The following FOXP1 variants were observed in gnomAD, a reference collection of about 807,000 sequenced individuals.
FOXP1 encodes the protein forkhead box protein P1.
In FOXP1, 15 loss-of-function variants were observed where a neutral mutation model predicts 98.2. The ratio of observed to expected loss-of-function variants is 0.15; its 90% confidence interval spans 0.10 to 0.24. The LOEUF (loss-of-function observed/expected upper bound fraction) is 0.24. Ranked by LOEUF, FOXP1 falls within the 10% of genes least tolerant of loss-of-function variation. The probability of loss-of-function intolerance (pLI) is 1.00; values close to 1 mark genes in which losing one functional copy is unlikely to be tolerated. For missense variants in FOXP1, 633 were observed against 848.5 expected (o/e 0.75, Z 3.15); for synonymous variants, 371 against 314.5 (o/e 1.18, Z -1.90).
intron 12 of FOXP1, among the ~76,000 whole-genome samples, chr3:71,004,466 G>C (rs563728549): frequency 6.6e-6 from 1 of 152,228 alleles, no homozygotes; most frequent in African/African-American, 2.4e-5. Flanking sequence ...GAGTTGTAGT[G>C]ATTAATAGTT....
intron 6 of FOXP1, among the ~76,000 whole-genome samples, chr3:71,197,184 C>A (rs1197338247): frequency 6.6e-6 from 1 of 152,160 alleles, no homozygotes; most frequent in East Asian, 1.9e-4. Flanking sequence ...CACAAGAGTT[C>A]CTGCAGCTTT....
intron 4 of FOXP1, among the ~76,000 whole-genome samples, chr3:71,319,005 G>T (rs2075244668): frequency 6.6e-6 from 1 of 152,146 alleles, no homozygotes; most frequent in South Asian, 2.1e-4. Flanking sequence ...GAATTACAGG[G>T]TACCCCAAAG....
At chr3:71,007,242 G>T (rs965064561) in intron 12 of FOXP1, among the ~76,000 whole-genome samples, 1 of 152,082 alleles carries the variant, frequency 6.6e-6, no homozygotes, top group Non-Finnish European at 1.5e-5. Flanking sequence ...TGTCACCTCA[G>T]ATCTGATGGG....
intron 5 of FOXP1, among the ~76,000 whole-genome samples, chr3:71,259,914 TG>T (rs2068952026): frequency 6.6e-6 from 1 of 152,146 alleles, no homozygotes. Flanking sequence ...AGGCTCAGCG[TG>T]GTACCCAGTT....
chr3:71,094,092 T>C (rs2056193379), intron 7 of FOXP1, among the ~76,000 whole-genome samples: 4 of 152,164 alleles, frequency 2.6e-5, no homozygotes, highest in Admixed American at 2.0e-4. Context: ...CCAAAAACTT[T>C]CTCTATAAAA....
intron 6 of FOXP1, among the ~76,000 whole-genome samples, chr3:71,170,024 T>C (rs1170794404): frequency 1.3e-5 from 2 of 152,186 alleles, no homozygotes; most frequent in African/African-American, 2.4e-5. Flanking sequence ...ACTTAAACTT[T>C]GATCAAGCAG....
chr3:71,477,493 A>G, intron 3 of FOXP1, among the ~76,000 whole-genome samples: 1 of 152,368 alleles, frequency 6.6e-6, no homozygotes, highest in East Asian at 1.9e-4. Flanking sequence ...TCTATTATTT[A>G]TAGCAAAAAG....
chr3:71,277,540 T>C (rs1019551754), intron 5 of FOXP1, among the ~76,000 whole-genome samples: 1 of 152,120 alleles, frequency 6.6e-6, no homozygotes, highest in African/African-American at 2.4e-5. Flanking sequence ...TGCTCTACAA[T>C]AGCCTCTTGC....
intron 3 of FOXP1, among the ~76,000 whole-genome samples, chr3:71,474,537 C>A (rs962254714): frequency 6.6e-6 from 1 of 152,170 alleles, no homozygotes; most frequent in African/African-American, 2.4e-5. Context: ...GTGTTTACAG[C>A]CGCTGCCCAC....
chr3:71,505,613 G>C (rs945966613), intron 2 of FOXP1, among the ~76,000 whole-genome samples: 3 of 152,054 alleles, frequency 2.0e-5, no homozygotes, highest in African/African-American at 7.2e-5. Context: ...TTTTAGTAGA[G>C]ACAGGGTTTC....
chr3:71,508,609 C>T (rs879939365), intron 2 of FOXP1, among the ~76,000 whole-genome samples: 3 of 152,178 alleles, frequency 2.0e-5, no homozygotes, highest in African/African-American at 4.8e-5. Context: ...CATTGTTTTA[C>T]GAGTGACATC....
chr3:71,449,774 A>T (rs2086768707), intron 3 of FOXP1, among the ~76,000 whole-genome samples: 1 of 152,244 alleles, frequency 6.6e-6, no homozygotes, highest in African/African-American at 2.4e-5. Flanking sequence ...GAATTGAGGA[A>T]TTCTTTTTTA....
chr3:71,355,878 C>T (rs561497859), intron 4 of FOXP1, among the ~76,000 whole-genome samples: 9 of 152,170 alleles, frequency 5.9e-5, no homozygotes, highest in Non-Finnish European at 1.2e-4. Flanking sequence ...GCCAGGGTCA[C>T]GTGGTTGGCA....
At chr3:71,213,009 C>A (rs893873941) in intron 5 of FOXP1, among the ~76,000 whole-genome samples, 1 of 151,618 alleles carries the variant, frequency 6.6e-6, no homozygotes, top group East Asian at 1.9e-4. Flanking sequence ...AGCCTCCTTT[C>A]GTATTTGTAG....
At chr3:71,028,084 C>G (rs149434742) in intron 11 of FOXP1, among the ~76,000 whole-genome samples, 22 of 151,908 alleles carry the variant, frequency 1.4e-4, no homozygotes, top group Non-Finnish European at 1.5e-5. Flanking sequence ...AGCACACACA[C>G]AAAAAATCTA....
intron 5 of FOXP1, among the ~76,000 whole-genome samples, chr3:71,233,265 A>G (rs1288700): frequency 0.84 from 119,575 of 141,670 alleles, 50,438 homozygotes; most frequent in South Asian, 0.9. Context: ...GAAGGGGAGG[A>G]GAGAGGAGGG....
At chr3:71,334,901 G>A (rs1199793341) in intron 4 of FOXP1, 1 of 152,304 alleles carries the variant, frequency 6.6e-6, no homozygotes, top group East Asian at 1.9e-4. Flanking sequence ...TAGGGTTAGA[G>A]TTAAAAGGGG....
chr3:71,269,527 C>T (rs1307197983), intron 5 of FOXP1, among the ~76,000 whole-genome samples: 3 of 152,142 alleles, frequency 2.0e-5, no homozygotes, highest in Non-Finnish European at 1.5e-5. Flanking sequence ...CTAAGTAAGT[C>T]CCTCACTATA....
intron 6 of FOXP1, among the ~76,000 whole-genome samples, chr3:71,132,003 C>T (rs527346101): frequency 2.0e-5 from 3 of 152,314 alleles, no homozygotes; most frequent in African/African-American, 7.2e-5. Flanking sequence ...AAATGTTCCT[C>T]TCTAACTCAG....
Sources: allele counts gnomAD v4.1 joint callset (sites outside exome capture counted in the v4.1 genomes callset), GRCh38; gene constraint gnomAD v4.1.1; transcripts MANE v1.5; gene names NCBI Gene and HGNC (gene_info 2026-07-23, HGNC 2026-07-21).